The following REDIC1 variants were observed in gnomAD, a reference collection of about 807,000 sequenced individuals.
REDIC1 encodes regulator of DNA class I crossover intermediates 1.
the REDIC1 span, among the ~76,000 whole-genome samples, chr12:39,896,687 G>C: frequency 2.0e-5 from 3 of 151,558 alleles, no homozygotes; most frequent in Admixed American, 2.0e-4. Flanking sequence ...AATATCCCTC[G>C]TTATCTGCAA....
At chr12:39,754,747 ATAAC>A in the REDIC1 span, among the ~76,000 whole-genome samples, 1 of 152,094 alleles carries the variant, frequency 6.6e-6, no homozygotes, top group African/African-American at 2.4e-5. Flanking sequence ...GGTTCTGACA[ATAAC>A]TATAATTATT....
At chr12:39,798,528 T>C in the REDIC1 span, among the ~76,000 whole-genome samples, 1 of 152,228 alleles carries the variant, frequency 6.6e-6, no homozygotes, top group South Asian at 2.1e-4. Context: ...ATCAAAAATT[T>C]ACAACATACT....
chr12:39,741,432 G>A, the REDIC1 span, among the ~76,000 whole-genome samples: 31,550 of 152,122 alleles, frequency 0.21, 4,000 homozygotes, highest in East Asian at 0.38. Flanking sequence ...CCCTGAGGAG[G>A]GTCAGTATTA....
the REDIC1 span, among the ~76,000 whole-genome samples, chr12:39,701,165 C>T: frequency 6.6e-6 from 1 of 152,080 alleles, no homozygotes; most frequent in Admixed American, 6.6e-5. Context: ...AGTCAAGACC[C>T]ATCAGTGTGC....
the REDIC1 span, among the ~76,000 whole-genome samples, chr12:39,862,822 T>A: frequency 6.6e-6 from 1 of 152,168 alleles, no homozygotes; most frequent in Admixed American, 6.5e-5. Context: ...GGGATATTCA[T>A]CACCTCAAGC....
the REDIC1 span, among the ~76,000 whole-genome samples, chr12:39,740,729 A>C: frequency 6.6e-6 from 1 of 152,220 alleles, no homozygotes; most frequent in Non-Finnish European, 1.5e-5. Context: ...ATATCTGTTC[A>C]GAAAATATAA....
At chr12:39,695,601 C>T in the REDIC1 span, among the ~76,000 whole-genome samples, 1 of 152,114 alleles carries the variant, frequency 6.6e-6, no homozygotes, top group East Asian at 1.9e-4. Flanking sequence ...AGGTAGACTG[C>T]TAAGGTTTTT....
chr12:39,835,883 TA>T, the REDIC1 span: 1 of 152,062 alleles, frequency 6.6e-6, no homozygotes, highest in East Asian at 1.9e-4. Context: ...CAGAATGAAA[TA>T]AAAAGAAGGC....
the REDIC1 span, among the ~76,000 whole-genome samples, chr12:39,743,868 C>T: frequency 6.6e-6 from 1 of 152,064 alleles, no homozygotes; most frequent in Non-Finnish European, 1.5e-5. Flanking sequence ...GTATAACATA[C>T]ACATAATGGG....
the REDIC1 span, among the ~76,000 whole-genome samples, chr12:39,906,797 T>C: frequency 1.8e-4 from 28 of 152,108 alleles, no homozygotes; most frequent in Non-Finnish European, 3.5e-4. Context: ...AATTGAACGT[T>C]GATAAAGTGG....
At chr12:39,829,916 T>C in the REDIC1 span, 1 of 745,758 alleles carries the variant, frequency 1.3e-6, no homozygotes, top group Non-Finnish European at 2.1e-6. Flanking sequence ...CTGAGTGCTT[T>C]CTACTCTGTG....
chr12:39,667,139 G>A, the REDIC1 span, among the ~76,000 whole-genome samples: 3 of 152,106 alleles, frequency 2.0e-5, no homozygotes, highest in Non-Finnish European at 4.4e-5. Flanking sequence ...TGCTTCTCTA[G>A]TTCTTTTAAT....
At chr12:39,720,555 G>T in the REDIC1 span, among the ~76,000 whole-genome samples, 1 of 152,006 alleles carries the variant, frequency 6.6e-6, no homozygotes, top group Admixed American at 6.6e-5. Flanking sequence ...TTATTACAAA[G>T]ATTATTATTG....
chr12:39,694,845 C>A, the REDIC1 span, among the ~76,000 whole-genome samples: 1 of 152,128 alleles, frequency 6.6e-6, no homozygotes, highest in Admixed American at 6.5e-5. Context: ...GACCCCTTCC[C>A]TCTGCTTGAG....
At chr12:39,703,231 C>A in the REDIC1 span, among the ~76,000 whole-genome samples, 1 of 151,710 alleles carries the variant, frequency 6.6e-6, no homozygotes, top group African/African-American at 2.4e-5. Context: ...GCAACTTCAG[C>A]AAAGTCTCAG....
the REDIC1 span, among the ~76,000 whole-genome samples, chr12:39,734,770 T>A: frequency 2.0e-5 from 3 of 152,230 alleles, no homozygotes; most frequent in Non-Finnish European, 4.4e-5. Flanking sequence ...ATCTTGATTG[T>A]AGTGTTACTT....
the REDIC1 span, among the ~76,000 whole-genome samples, chr12:39,901,458 T>A: frequency 7.0e-6 from 1 of 143,056 alleles, no homozygotes; most frequent in Non-Finnish European, 1.5e-5. Flanking sequence ...AAAGGGCTAA[T>A]ATCCAGAATC....
the REDIC1 span, chr12:39,684,114 C>G: frequency 1.7e-5 from 17 of 991,892 alleles, no homozygotes; most frequent in South Asian, 1.3e-4. Context: ...TCTTTCTCTT[C>G]TTGCAGCTGG....
the REDIC1 span, among the ~76,000 whole-genome samples, chr12:39,839,460 C>T: frequency 6.6e-6 from 1 of 152,052 alleles, no homozygotes; most frequent in Non-Finnish European, 1.5e-5. Context: ...ATTATCCTCT[C>T]CACTCTATTA....
Sources: allele counts gnomAD v4.1 joint callset (sites outside exome capture counted in the v4.1 genomes callset), GRCh38; gene constraint gnomAD v4.1.1; transcripts MANE v1.5; gene names NCBI Gene and HGNC (gene_info 2026-07-23, HGNC 2026-07-21).